Variants in MMD2 observed in about 807,000 individuals in gnomAD.
MMD2 encodes monocyte to macrophage differentiation factor 2.
A neutral mutation model predicts 33.5 loss-of-function variants in MMD2; 30 were observed. The ratio of observed to expected loss-of-function variants is 0.90; its 90% CI spans 0.67 to 1.22. The LOEUF is 1.22. Among genes scored for constraint, MMD2 ranks in the 50% most tolerant of loss-of-function variants. The pLI is 0.00. For synonymous variants in MMD2, 129 were observed against 123.0 expected (o/e 1.05, Z -0.32); for missense variants, 364 against 325.4 (o/e 1.12, Z -0.91).
At chr7:4,905,947 A>G (rs963855140), downstream of MMD2, 3 of 153,366 alleles carry the variant, frequency 2.0e-5, no homozygotes, top group Non-Finnish European at 4.4e-5. The surrounding 1 kb of genome is among the most constrained non-coding windows in gnomAD (Gnocchi z 5.0). Context: ...CAGGAGGACA[A>G]AAGCTATCCA....
At chr7:4,901,231 A>G (rs1000212583), downstream of MMD2, among the ~76,000 whole-genome samples, 1 of 152,090 alleles carries the variant, frequency 6.6e-6, no homozygotes, top group Non-Finnish European at 1.5e-5. Flanking sequence ...ACTTGAGGTC[A>G]GGAGTTCGAG....
intron 4 of MMD2, among the ~76,000 whole-genome samples, chr7:4,911,598 G>GTTTTA (rs55830978): frequency 0.69 from 103,779 of 151,502 alleles, 37,078 homozygotes; most frequent in African/African-American, 0.9. Context: ...ATGCTGTTTT[G>GTTTTA]TTTTATTTAT....
chr7:4,928,345 A>G (rs555306621), intron 1 of MMD2, among the ~76,000 whole-genome samples: 2 of 152,240 alleles, frequency 1.3e-5, no homozygotes, highest in South Asian at 2.1e-4. Context: ...TTTATTCAGC[A>G]TCTCCGGTGT....
intron 3 of MMD2, 54 bp from the exon 4 acceptor site, chr7:4,916,133 A>T: frequency 6.4e-7 from 1 of 1,554,016 alleles, no homozygotes; most frequent in Non-Finnish European, 8.9e-7. Flanking sequence ...GGGAAGGGCC[A>T]GTGCCCCCAG....
At chr7:4,955,757 GA>G (rs1786366403) in intron 1 of MMD2, among the ~76,000 whole-genome samples, 1 of 152,108 alleles carries the variant, frequency 6.6e-6, no homozygotes. Flanking sequence ...GTGTCTACTA[GA>G]AAATTTAAAG....
At chr7:4,905,878 G>GCACACACATGCA (rs1288578285), downstream of MMD2, 1 of 152,480 alleles carries the variant, frequency 6.6e-6, no homozygotes, top group Admixed American at 6.6e-5. The surrounding 1 kb of genome is among the most constrained non-coding windows in gnomAD (Gnocchi z 5.0). Context: ...ACACACGTGT[G>GCACACACATGCA]CACACACATG....
chr7:4,925,416 C>T (rs777244955), intron 2 of MMD2, 35 bp downstream of exon 2: 26 of 1,477,610 alleles, frequency 1.8e-5, no homozygotes, highest in Non-Finnish European at 1.5e-5. Flanking sequence ...GAAGTGTCCC[C>T]ATCTCAGCCC....
At chr7:4,941,523 A>G (rs1473826205) in intron 1 of MMD2, among the ~76,000 whole-genome samples, 4 of 151,640 alleles carry the variant, frequency 2.6e-5, no homozygotes, top group Non-Finnish European at 2.9e-5. Flanking sequence ...CCAGCTACTC[A>G]GGAGGCTGAG....
At chr7:4,953,954 G>T (rs1358940859) in intron 1 of MMD2, among the ~76,000 whole-genome samples, 1 of 152,074 alleles carries the variant, frequency 6.6e-6, no homozygotes, top group African/African-American at 2.4e-5. Context: ...GAACTCCCAG[G>T]CTCAAGGGAT....
At chr7:4,912,153 G>T (rs145412658) in intron 4 of MMD2, among the ~76,000 whole-genome samples, 278 of 152,050 alleles carry the variant, frequency 1.8e-3, no homozygotes, top group African/African-American at 6.4e-3. Context: ...ATAGGAAGAA[G>T]AACTGTTTTT....
At chr7:4,934,389 C>T (rs560652616) in intron 1 of MMD2, among the ~76,000 whole-genome samples, 1 of 152,326 alleles carries the variant, frequency 6.6e-6, no homozygotes, top group South Asian at 2.1e-4. Context: ...AGGTGTGAGC[C>T]ACTGGGCCTG....
At chr7:4,944,279 A>C (rs993558000) in intron 1 of MMD2, among the ~76,000 whole-genome samples, 11 of 151,864 alleles carry the variant, frequency 7.2e-5, no homozygotes, top group Middle Eastern at 3.4e-3. Context: ...AAAAAATTGG[A>C]ATCTATTCTG....
intron 2 of MMD2, 90 bp downstream of exon 2, chr7:4,925,361 T>C: frequency 9.3e-7 from 1 of 1,073,320 alleles, no homozygotes; most frequent in Non-Finnish European, 1.3e-6. Context: ...ACAGGCCACT[T>C]AGGACATACG....
the MMD2 span, among the ~76,000 whole-genome samples, chr7:4,895,877 G>A: frequency 6.6e-6 from 1 of 152,084 alleles, no homozygotes; most frequent in Non-Finnish European, 1.5e-5. Context: ...GTACACCCCA[G>A]AACCTGCTTC....
At chr7:4,914,300 G>A (rs1785088446) in intron 4 of MMD2, among the ~76,000 whole-genome samples, 1 of 152,140 alleles carries the variant, frequency 6.6e-6, no homozygotes, top group Non-Finnish European at 1.5e-5. Flanking sequence ...TGTCTCCACT[G>A]TGTGTCAGCA....
chr7:4,956,598 A>G (rs1434717198), intron 1 of MMD2, among the ~76,000 whole-genome samples: 3 of 152,216 alleles, frequency 2.0e-5, no homozygotes, highest in East Asian at 3.9e-4. Flanking sequence ...CAAGCATGAA[A>G]GACTGGCCCG....
At chr7:4,929,608 T>C (rs1358077740) in intron 1 of MMD2, among the ~76,000 whole-genome samples, 1 of 149,984 alleles carries the variant, frequency 6.7e-6, no homozygotes, top group Non-Finnish European at 1.5e-5. Flanking sequence ...CACTGCAACC[T>C]CTGCCTCCCG....
intron 1 of MMD2, among the ~76,000 whole-genome samples, chr7:4,926,068 A>T (rs1020073287): frequency 2.0e-5 from 3 of 151,286 alleles, no homozygotes; most frequent in African/African-American, 7.3e-5. Flanking sequence ...AGCCTTCCCA[A>T]GTGCTGGGAT....
intron 3 of MMD2, 113 bp from the exon 4 acceptor site, chr7:4,916,192 G>T: frequency 2.1e-6 from 2 of 936,362 alleles, no homozygotes; most frequent in Non-Finnish European, 3.3e-6. Flanking sequence ...GCAGGGCTGG[G>T]CTCCTCTGTC....
Sources: allele counts gnomAD v4.1 joint callset (sites outside exome capture counted in the v4.1 genomes callset), GRCh38; gene constraint gnomAD v4.1.1; non-coding constraint Gnocchi (gnomAD v3.1); transcripts MANE v1.5; gene names NCBI Gene and HGNC (gene_info 2026-07-23, HGNC 2026-07-21).